KRIT1: variants seen among roughly 807,000 people sequenced by gnomAD.
The protein encoded by KRIT1 is krev interaction trapped protein 1.
A neutral mutation model predicts 95.8 loss-of-function variants in KRIT1; 45 were observed. The observed-to-expected ratio is 0.47, with a 90% CI of 0.37 to 0.60. The LOEUF (loss-of-function observed/expected upper bound fraction) is 0.60. Ranked by LOEUF, KRIT1 falls within the 20% of genes least tolerant of loss-of-function variation. The pLI, the probability that KRIT1 is intolerant of heterozygous loss-of-function variation, is 0.00. For missense variants in KRIT1, 788 were observed against 877.5 expected, an observed-to-expected ratio of 0.90 and a Z score of 1.29; for synonymous variants, 282 against 278.8, an observed-to-expected ratio of 1.01 and a Z score of -0.11.
intron 14 of KRIT1, among the ~76,000 whole-genome samples, chr7:92,217,618 A>G (rs6954840): frequency 0.034 from 5,249 of 152,296 alleles, 265 homozygotes; most frequent in African/African-American, 0.12. Flanking sequence ...GTATCAGTGA[A>G]TAATACTCTA....
chr7:92,209,616 T>TA (rs557174708), intron 17 of KRIT1, among the ~76,000 whole-genome samples: 145 of 151,934 alleles, frequency 9.5e-4, no homozygotes, highest in African/African-American at 3.3e-3. Context: ...CTATAGCTAG[T>TA]AAAAAAAATC....
At chr7:92,236,830 CTG>C (rs1385152250) in intron 6 of KRIT1, among the ~76,000 whole-genome samples, 3 of 152,118 alleles carry the variant, frequency 2.0e-5, no homozygotes, top group African/African-American at 2.4e-5. Context: ...ACTTAAGATA[CTG>C]AACTTTTTAA....
chr7:92,230,541 A>T (rs550301644), intron 10 of KRIT1, among the ~76,000 whole-genome samples: 2 of 152,326 alleles, frequency 1.3e-5, no homozygotes, highest in African/African-American at 4.8e-5. Flanking sequence ...GAGAAAGCAG[A>T]GTGTGTCTCC....
intron 11 of KRIT1, 115 bp from the exon 12 acceptor site, chr7:92,225,942 A>C (rs1391438971): frequency 3.0e-6 from 2 of 670,696 alleles, no homozygotes; most frequent in Admixed American, 4.9e-5. Context: ...TCAAGTACTA[A>C]AGTAAATATT....
At chr7:92,234,755 A>T (rs1798039740) in intron 9 of KRIT1, 53 bp downstream of exon 9, 7 of 1,207,296 alleles carry the variant, frequency 5.8e-6, no homozygotes, top group South Asian at 1.2e-5. Context: ...CAATACTTTA[A>T]ATTAGAATGT....
chr7:92,237,671 G>T lies in KRIT1; in HGVS notation c.351C>A (p.Val117=), dbSNP rs1157687982. The T allele has an allele frequency of 1.9e-6, 3 of 1,583,192 alleles. No individual in the cohort carries two copies. In the Admixed American group the frequency reaches 5.0e-5, roughly 26 times the overall value. Residue 117 remains valine, a synonymous_variant, in exon 6 of 19, where the codon GTC becomes GTA. Transcript: ENST00000394505. Reference sequence around the variant, plus strand: ...TAAGATACATTTAGACTTTACCTTTGACAACTGATGGAACAATAAATAATG... The same window carrying T: ...TAAGATACATTTAGACTTTACCTTTTACAACTGATGGAACAATAAATAATG... ...EASLFIVPSV[V]KDNTKYTYTP...
At chr7:92,244,787 A>T (rs1800512559) in intron 2 of KRIT1, 115 bp downstream of exon 2, 1 of 152,238 alleles carries the variant, frequency 6.6e-6, no homozygotes, top group Admixed American at 6.5e-5. Context: ...ATTTTGTTAT[A>T]TGGCTCACTC....
rs1800601995 is a variant in KRIT1, at chr7:92,245,146, T to C, written c.-395A>G. 1 of 150,294 alleles carries C rather than the reference T, an allele frequency of 6.7e-6. No individual in the cohort carries two copies. The highest frequency in any genetic ancestry group is 2.5e-5 in the African/African-American group (1 of 40,676). The allele number at this position is 150,294 out of a possible 1,614,324, so 9.3% of individuals were successfully genotyped here. A position where few individuals can be genotyped will look rare whatever the true frequency, so the allele number is the denominator to read the frequency against. ...GACTTCTGGTGAGGCTAAAAACATG[T>C]AGAAAAAGCGATGAAAGCCAAAAAC... On this transcript the variant is annotated 5_prime_UTR_variant, in exon 2 of 19. Transcript: ENST00000394505.
intron 12 of KRIT1, among the ~76,000 whole-genome samples, chr7:92,223,273 C>CAAAAAA (rs568078150): frequency 4.7e-5 from 2 of 42,114 alleles, no homozygotes; most frequent in African/African-American, 1.5e-4. Flanking sequence ...ACTAAAAATA[C>CAAAAAA]AAAAAAAAAA....
chr7:92,214,836 A>G, intron 14 of KRIT1, 59 bp from the exon 15 acceptor site: 1 of 1,171,108 alleles, frequency 8.5e-7, no homozygotes, highest in Non-Finnish European at 1.3e-6. Flanking sequence ...CAAATGAACA[A>G]CTTAATATGG....
chr7:92,214,880 A>G, intron 14 of KRIT1, 103 bp from the exon 15 acceptor site: 1 of 804,292 alleles, frequency 1.2e-6, no homozygotes, highest in South Asian at 1.5e-5. Flanking sequence ...TATATAAATG[A>G]GCTGTTACTG....
At position 92,200,378 on chromosome 7, in the gene KRIT1, G is replaced by C; in HGVS notation, c.*358C>G. The C allele has an allele frequency of 4.8e-6, 1 of 208,094 alleles. No homozygotes were observed. Among genetic ancestry groups the C allele is most frequent in the East Asian group, 1.1e-4 (1 of 8,718 alleles). The allele number at this position is 208,094 out of a possible 1,614,324, so 12.9% of individuals were successfully genotyped here. A position where few individuals can be genotyped will look rare whatever the true frequency, so the allele number is the denominator to read the frequency against. ...AGTAATTTTTTTTTTTTTTTGAGAT[G>C]GAGTCTTGCTGTGTCACCCAGGCTA... On this transcript the variant is annotated 3_prime_UTR_variant, in exon 19 of 19. Transcript: ENST00000394505.
At chr7:92,211,437 T>A (rs1014988572) in intron 17 of KRIT1, among the ~76,000 whole-genome samples, 1 of 152,178 alleles carries the variant, frequency 6.6e-6, no homozygotes, top group Admixed American at 6.5e-5. Context: ...TCAAATACCC[T>A]ATGTTCTCAT....
intron 10 of KRIT1, among the ~76,000 whole-genome samples, chr7:92,232,475 T>A (rs1450857969): frequency 6.6e-6 from 1 of 151,338 alleles, no homozygotes; most frequent in Non-Finnish European, 1.5e-5. Flanking sequence ...TTTGTTTTTA[T>A]GTAATAGTTG....
chr7:92,204,552 A>G lies in KRIT1; in HGVS notation c.2026-3129T>C, dbSNP rs953071834. Among the ~76,000 whole-genome samples the G allele has an allele frequency of 1.2e-4, 18 of 152,032 alleles. 1 individual carries two copies. Among genetic ancestry groups the G allele is most frequent in the African/African-American group, 3.9e-4 (16 of 41,476 alleles). On this transcript the variant is annotated intron_variant, in intron 17 of 18. Coordinates refer to ENST00000394505, the MANE Select transcript of KRIT1 (RefSeq NM_194454.3). ...CCTGAGCTTGTTTTCCTGCAACTAG[A>G]TGGTCCCATCTGGGGGTGATGGGAG...
chr7:92,201,252 AG>A (rs1790068323), intron 18 of KRIT1, 54 bp downstream of exon 18: 4 of 853,398 alleles, frequency 4.7e-6, no homozygotes, highest in South Asian at 4.2e-5. Flanking sequence ...TTTTAAAAAA[AG>A]AAGTAACTTT....
intron 15 of KRIT1, among the ~76,000 whole-genome samples, chr7:92,214,280 T>C (rs1793481731): frequency 6.6e-6 from 1 of 152,062 alleles, no homozygotes; most frequent in South Asian, 2.1e-4. Flanking sequence ...AACATAAAAC[T>C]AGTTTTTATG....
chr7:92,233,105 A>G lies in KRIT1; in HGVS notation c.989+1344T>C, dbSNP rs550072102. ...GAGTAACTCTTAATACAAAAATTCC[A>G]TGTAATAAGAAATATAAGAGCATAT... On this transcript the variant is annotated intron_variant, in intron 10 of 18. Transcript: ENST00000394505. Among the ~76,000 whole-genome samples the G allele has an allele frequency of 1.8e-4, 27 of 152,232 alleles. No homozygotes were observed. The South Asian group carries it at 5.4e-3, about 30-fold the overall frequency.
intron 14 of KRIT1, among the ~76,000 whole-genome samples, chr7:92,217,824 G>C (rs1052558736): frequency 6.6e-6 from 1 of 152,010 alleles, no homozygotes; most frequent in African/African-American, 2.4e-5. Flanking sequence ...TTAGATTTTT[G>C]AAGAACCACT....
Sources: gnomAD v4.1 joint callset for allele counts (sites outside exome capture counted in the v4.1 genomes callset) on GRCh38, gnomAD v4.1.1 for gene constraint, MANE v1.5 for transcripts, NCBI Gene and HGNC (gene_info 2026-07-23, HGNC 2026-07-21) for gene names.